The following CADM2 variants were observed in gnomAD, a reference collection of about 807,000 sequenced individuals.
CADM2 encodes immunoglobulin superfamily member 4D.
A neutral mutation model predicts 49.8 loss-of-function variants in CADM2; 12 were observed. That is an observed-to-expected ratio of 0.24 (90% CI 0.15 to 0.39). The LOEUF is 0.39. CADM2 is among the 10% of genes least tolerant of loss of function. CADM2 has a pLI of 1.00. For missense variants in CADM2, 378 were observed against 492.3 expected (o/e 0.77, Z 2.20); for synonymous variants, 214 against 175.4 (o/e 1.22, Z -1.74).
At chr3:85,736,470 A>G (rs559196860) in intron 2 of CADM2, among the ~76,000 whole-genome samples, 2 of 152,216 alleles carry the variant, frequency 1.3e-5, no homozygotes, top group South Asian at 2.1e-4. Context: ...TAACTGGGCA[A>G]CAGAGGGAAG....
chr3:85,174,535 T>C (rs1437443816), intron 1 of CADM2, among the ~76,000 whole-genome samples: 2 of 150,598 alleles, frequency 1.3e-5, no homozygotes, highest in Non-Finnish European at 3.0e-5. Flanking sequence ...TATATACACA[T>C]ATATATATTT....
At chr3:85,740,119 AT>A (rs1300165537) in intron 2 of CADM2, among the ~76,000 whole-genome samples, 3 of 152,220 alleles carry the variant, frequency 2.0e-5, no homozygotes, top group Non-Finnish European at 4.4e-5. Flanking sequence ...TTACATAGAC[AT>A]TCTAGTTGGA....
chr3:85,540,774 T>C (rs1358822412), intron 1 of CADM2, among the ~76,000 whole-genome samples: 1 of 152,096 alleles, frequency 6.6e-6, no homozygotes. Flanking sequence ...CAACAGAATT[T>C]ACTTTTCTAT....
At chr3:85,595,916 A>G (rs1576892993) in intron 1 of CADM2, among the ~76,000 whole-genome samples, 5 of 152,060 alleles carry the variant, frequency 3.3e-5, no homozygotes, top group Middle Eastern at 3.4e-3. Context: ...ACCAAATAAT[A>G]AAACTAATTT....
chr3:85,486,196 A>C (rs1212508240), intron 1 of CADM2, among the ~76,000 whole-genome samples: 1 of 152,156 alleles, frequency 6.6e-6, no homozygotes, highest in Non-Finnish European at 1.5e-5. Flanking sequence ...TCTTGAGAAC[A>C]TTATTCTTTC....
chr3:85,606,178 TA>T (rs2107425370), intron 1 of CADM2, among the ~76,000 whole-genome samples: 1 of 152,104 alleles, frequency 6.6e-6, no homozygotes, highest in East Asian at 1.9e-4. Flanking sequence ...CTACTTTATA[TA>T]AAAGGAAATT....
intron 2 of CADM2, among the ~76,000 whole-genome samples, chr3:85,763,956 A>C (rs991181964): frequency 1.3e-5 from 2 of 152,118 alleles, no homozygotes; most frequent in African/African-American, 4.8e-5. Context: ...TTGGCTTACA[A>C]GAACTTTGTC....
chr3:85,969,494 C>A (rs1366318729), intron 8 of CADM2, among the ~76,000 whole-genome samples: 1 of 151,234 alleles, frequency 6.6e-6, no homozygotes, highest in African/African-American at 2.4e-5. Context: ...CTCAGTGAGG[C>A]CTTTTTTTTC....
intron 1 of CADM2, among the ~76,000 whole-genome samples, chr3:85,629,333 G>C (rs1274486641): frequency 6.6e-6 from 1 of 151,740 alleles, no homozygotes; most frequent in African/African-American, 2.4e-5. Context: ...AAAATAAATA[G>C]ATAGTAAAGT....
chr3:85,236,074 C>T (rs1036733464), intron 1 of CADM2, among the ~76,000 whole-genome samples: 1 of 151,972 alleles, frequency 6.6e-6, no homozygotes, highest in Non-Finnish European at 1.5e-5. Flanking sequence ...CAATTTTTTC[C>T]TGGATGGATG....
intron 1 of CADM2, among the ~76,000 whole-genome samples, chr3:85,254,467 T>C (rs942914999): frequency 2.0e-5 from 3 of 151,966 alleles, no homozygotes; most frequent in African/African-American, 4.8e-5. Flanking sequence ...CTGCTCAAAG[T>C]TTCAACCCTG....
intron 8 of CADM2, among the ~76,000 whole-genome samples, chr3:86,044,626 G>GT (rs1248275654): frequency 6.6e-6 from 1 of 152,112 alleles, no homozygotes; most frequent in Non-Finnish European, 1.5e-5. Flanking sequence ...CTGCAAACTA[G>GT]TTCAACCATT....
intron 1 of CADM2, among the ~76,000 whole-genome samples, chr3:85,299,984 A>G (rs1159118508): frequency 6.6e-6 from 1 of 152,092 alleles, no homozygotes; most frequent in African/African-American, 2.4e-5. Context: ...AACACCAATT[A>G]CTAGATTACT....
At chr3:85,205,528 T>C (rs2041611355) in intron 1 of CADM2, among the ~76,000 whole-genome samples, 1 of 152,124 alleles carries the variant, frequency 6.6e-6, no homozygotes, top group African/African-American at 2.4e-5. Flanking sequence ...TACAGAAGTA[T>C]TAAATTATGT....
At chr3:85,063,169 C>T (rs2036399285) in intron 1 of CADM2, among the ~76,000 whole-genome samples, 1 of 151,442 alleles carries the variant, frequency 6.6e-6, no homozygotes, top group South Asian at 2.1e-4. Context: ...TATTTTATAC[C>T]TTCTAAAATA....
At chr3:85,053,891 T>C (rs1373740550) in intron 1 of CADM2, among the ~76,000 whole-genome samples, 1 of 151,972 alleles carries the variant, frequency 6.6e-6, no homozygotes, top group African/African-American at 2.4e-5. Context: ...CAGATGGAAA[T>C]GTTTTTAGTT....
intron 3 of CADM2, among the ~76,000 whole-genome samples, chr3:85,828,425 G>T (rs2108218876): frequency 6.6e-6 from 1 of 151,876 alleles, no homozygotes; most frequent in South Asian, 2.1e-4. Flanking sequence ...GGAGAAAAGA[G>T]AAAAAAGACT....
At chr3:85,525,515 T>G (rs557770541) in intron 1 of CADM2, among the ~76,000 whole-genome samples, 1 of 152,254 alleles carries the variant, frequency 6.6e-6, no homozygotes, top group African/African-American at 2.4e-5. Flanking sequence ...TGTCTTAGTT[T>G]ATCCTATTTG....
intron 2 of CADM2, among the ~76,000 whole-genome samples, chr3:85,760,824 C>A (rs1325491338): frequency 1.3e-5 from 2 of 151,980 alleles, no homozygotes; most frequent in East Asian, 3.9e-4. Context: ...TAGTTAATAG[C>A]AATTTTATTC....
Sources: gnomAD v4.1 joint callset for allele counts (sites outside exome capture counted in the v4.1 genomes callset) on GRCh38, gnomAD v4.1.1 for gene constraint, MANE v1.5 for transcripts, NCBI Gene and HGNC (gene_info 2026-07-23, HGNC 2026-07-21) for gene names.